Variants in PAPPA2 observed in about 807,000 individuals in gnomAD.
PAPPA2 encodes pappalysin-2.
In PAPPA2, 86 loss-of-function variants were observed where a neutral mutation model predicts 176.4. The observed-to-expected ratio is 0.49, with a 90% CI of 0.41 to 0.58. The LOEUF (loss-of-function observed/expected upper bound fraction) is 0.58, where lower values mean the gene tolerates loss of function less well. Among genes scored for constraint, PAPPA2 ranks in the 20% least tolerant of loss-of-function variants. The pLI is 0.00. For synonymous variants in PAPPA2, 809 were observed against 852.2 expected (o/e 0.95, Z 0.88); for missense variants, 2,073 against 2,256.9 (o/e 0.92, Z 1.65).
intron 15 of PAPPA2, among the ~76,000 whole-genome samples, chr1:176,766,617 G>A (rs1303273274): frequency 6.6e-6 from 1 of 152,178 alleles, no homozygotes; most frequent in Non-Finnish European, 1.5e-5. Context: ...TTAGCAAAAT[G>A]ATAGGTACAT....
intron 1 of PAPPA2, among the ~76,000 whole-genome samples, chr1:176,499,476 T>A (rs139902879): frequency 0.028 from 4,274 of 152,272 alleles, 82 homozygotes; most frequent in Middle Eastern, 0.058. Context: ...TTTTAGCTTA[T>A]CTTTGGGCCT....
At chr1:176,627,611 C>A (rs933727361) in intron 3 of PAPPA2, among the ~76,000 whole-genome samples, 3 of 152,118 alleles carry the variant, frequency 2.0e-5, no homozygotes, top group Non-Finnish European at 4.4e-5. Flanking sequence ...TTAAAAAATA[C>A]ATTTTTGCAT....
intron 12 of PAPPA2, among the ~76,000 whole-genome samples, chr1:176,727,423 G>A (rs1222838117): frequency 6.6e-6 from 1 of 151,992 alleles, no homozygotes; most frequent in Non-Finnish European, 1.5e-5. Flanking sequence ...GTTAATATCT[G>A]ACAAAATAGA....
chr1:176,583,582 A>G (rs1653116081), intron 2 of PAPPA2, among the ~76,000 whole-genome samples: 1 of 151,958 alleles, frequency 6.6e-6, no homozygotes, highest in Admixed American at 6.6e-5. Context: ...GTCAGATAAG[A>G]TATTTGATGT....
intron 12 of PAPPA2, among the ~76,000 whole-genome samples, chr1:176,734,017 G>A (rs1386501907): frequency 2.0e-5 from 3 of 152,038 alleles, no homozygotes; most frequent in East Asian, 1.9e-4. Context: ...TGTATAGAGA[G>A]GTTTTTTCCC....
chr1:176,526,816 G>A (rs2102546026), intron 1 of PAPPA2, among the ~76,000 whole-genome samples: 1 of 152,324 alleles, frequency 6.6e-6, no homozygotes, highest in Admixed American at 6.5e-5. Flanking sequence ...ATGAATTCAA[G>A]TCTCACTTTC....
At chr1:176,716,456 G>T (rs1661376901) in intron 12 of PAPPA2, among the ~76,000 whole-genome samples, 1 of 151,390 alleles carries the variant, frequency 6.6e-6, no homozygotes, top group Non-Finnish European at 1.5e-5. Context: ...ACATTAGTCA[G>T]GCTGGTCTCA....
chr1:176,775,478 A>G (rs765274655), intron 17 of PAPPA2, among the ~76,000 whole-genome samples: 11 of 152,202 alleles, frequency 7.2e-5, no homozygotes, highest in Non-Finnish European at 1.2e-4. Flanking sequence ...CATTCTTCAA[A>G]GACAGTTTCA....
intron 3 of PAPPA2, among the ~76,000 whole-genome samples, chr1:176,608,681 C>G (rs1251520498): frequency 6.6e-6 from 1 of 152,118 alleles, no homozygotes; most frequent in African/African-American, 2.4e-5. Flanking sequence ...AACACCCTAC[C>G]TTTGTAAGCC....
intron 4 of PAPPA2, 120 bp from the exon 5 acceptor site, chr1:176,690,017 T>C: frequency 1.1e-6 from 1 of 910,526 alleles, no homozygotes; most frequent in Non-Finnish European, 1.7e-6. Context: ...TTACCAGAAG[T>C]TATAAAGTGA....
At chr1:176,718,698 CT>C (rs144689160) in intron 12 of PAPPA2, among the ~76,000 whole-genome samples, 45 of 143,312 alleles carry the variant, frequency 3.1e-4, no homozygotes, top group South Asian at 6.6e-4. Context: ...TTTGGGGTAA[CT>C]TTTTTTTTTA....
At chr1:176,784,524 A>C (rs1664849099) in intron 17 of PAPPA2, among the ~76,000 whole-genome samples, 1 of 151,982 alleles carries the variant, frequency 6.6e-6, no homozygotes, top group African/African-American at 2.4e-5. Flanking sequence ...CCAGAGCTTG[A>C]GAAGTCCAAG....
chr1:176,657,844 G>T (rs571752740), intron 3 of PAPPA2, among the ~76,000 whole-genome samples: 1 of 152,040 alleles, frequency 6.6e-6, no homozygotes, highest in African/African-American at 2.4e-5. Flanking sequence ...GGTAAATAAG[G>T]CATTGCATGG....
At chr1:176,689,341 C>A (rs1465703435) in intron 4 of PAPPA2, among the ~76,000 whole-genome samples, 2 of 152,144 alleles carry the variant, frequency 1.3e-5, no homozygotes, top group South Asian at 2.1e-4. Flanking sequence ...TGATTGGATG[C>A]AATGAACTCT....
chr1:176,710,263 A>C (rs1661085796), intron 11 of PAPPA2, 87 bp downstream of exon 11: 1 of 1,220,856 alleles, frequency 8.2e-7, no homozygotes, highest in Non-Finnish European at 1.1e-6. Flanking sequence ...CTATGTTTGG[A>C]TAATTAAAAG....
intron 8 of PAPPA2, among the ~76,000 whole-genome samples, chr1:176,700,884 T>G (rs1461100573): frequency 2.0e-5 from 3 of 152,188 alleles, no homozygotes. Context: ...CATTACATTT[T>G]TCTTCCCATA....
chr1:176,671,167 G>A (rs1210190720), intron 4 of PAPPA2, 52 bp downstream of exon 4: 3 of 1,596,292 alleles, frequency 1.9e-6, no homozygotes, highest in Admixed American at 1.8e-5. Context: ...GAAGGCTGAA[G>A]GAAGCTTGCG....
intron 1 of PAPPA2, among the ~76,000 whole-genome samples, chr1:176,541,430 A>G (rs185699860): frequency 4.6e-5 from 7 of 152,338 alleles, no homozygotes; most frequent in Admixed American, 2.0e-4. Context: ...GAAAGTAGTA[A>G]GGGTAGTTTT....
chr1:176,562,740 G>T, intron 2 of PAPPA2, among the ~76,000 whole-genome samples: 1 of 152,232 alleles, frequency 6.6e-6, no homozygotes, highest in East Asian at 1.9e-4. Context: ...GAGTTGACTT[G>T]TGTGAACAGG....
Sources: allele counts gnomAD v4.1 joint callset (sites outside exome capture counted in the v4.1 genomes callset), GRCh38; gene constraint gnomAD v4.1.1; transcripts MANE v1.5; gene names NCBI Gene and HGNC (gene_info 2026-07-23, HGNC 2026-07-21).